CDYL2: variants seen among roughly 807,000 people sequenced by gnomAD.
CDYL2 encodes chromodomain Y-like protein 2.
Under a neutral mutation model 49.4 loss-of-function variants are expected in CDYL2, and 23 were observed. The observed-to-expected ratio is 0.47, with a 90% CI of 0.34 to 0.66. The LOEUF (loss-of-function observed/expected upper bound fraction) is 0.66, where lower values mean the gene tolerates loss of function less well. CDYL2 is among the 30% of genes least tolerant of loss of function. CDYL2 has a pLI of 0.01. For synonymous variants in CDYL2, 360 were observed against 268.8 expected (o/e 1.34, Z -3.32); for missense variants, 678 against 656.4 (o/e 1.03, Z -0.36).
chr16:80,685,937 C>G (rs1446826049), intron 1 of CDYL2, among the ~76,000 whole-genome samples: 2 of 152,182 alleles, frequency 1.3e-5, no homozygotes, highest in African/African-American at 4.8e-5. Flanking sequence ...CACAGCTCCC[C>G]CAGCTGCAAC....
chr16:80,692,907 G>T (rs1910473666), intron 1 of CDYL2, among the ~76,000 whole-genome samples: 1 of 152,038 alleles, frequency 6.6e-6, no homozygotes, highest in South Asian at 2.1e-4. Context: ...TCTCATAACA[G>T]ACAAAACCTG....
intron 2 of CDYL2, among the ~76,000 whole-genome samples, chr16:80,640,274 C>T (rs1291106864): frequency 3.3e-5 from 5 of 152,140 alleles, no homozygotes; most frequent in Admixed American, 3.3e-4. Flanking sequence ...TTTTGGATAA[C>T]AGCTCAGTCA....
At chr16:80,777,441 G>GA (rs72172247) in intron 1 of CDYL2, among the ~76,000 whole-genome samples, 7 of 149,052 alleles carry the variant, frequency 4.7e-5, no homozygotes, top group South Asian at 2.1e-4. Flanking sequence ...TGATTTTACA[G>GA]AAAAAAAAAT....
chr16:80,611,061 C>T (rs1906573180), intron 5 of CDYL2, among the ~76,000 whole-genome samples: 1 of 152,196 alleles, frequency 6.6e-6, no homozygotes, highest in African/African-American at 2.4e-5. Context: ...GCCAGGCCCA[C>T]TCCCTACCCT....
intron 1 of CDYL2, among the ~76,000 whole-genome samples, chr16:80,745,344 G>A (rs539927837): frequency 6.6e-6 from 1 of 152,260 alleles, no homozygotes; most frequent in South Asian, 2.1e-4. Flanking sequence ...CAGTGACCAT[G>A]CAAACAGGAG....
intron 1 of CDYL2, among the ~76,000 whole-genome samples, chr16:80,744,099 T>C (rs1259260014): frequency 1.3e-5 from 2 of 152,090 alleles, no homozygotes; most frequent in Non-Finnish European, 2.9e-5. Flanking sequence ...GTTTGGAAAA[T>C]AAAGAAACTG....
At chr16:80,688,965 T>C (rs547107772) in intron 1 of CDYL2, among the ~76,000 whole-genome samples, 1 of 152,318 alleles carries the variant, frequency 6.6e-6, no homozygotes, top group South Asian at 2.1e-4. Context: ...GCTCTGTCTC[T>C]TGATGCTCTG....
rs529995217 is a variant in CDYL2 at position 80,754,223 on chromosome 16, C to G, written c.24+49927G>C. Among the ~76,000 whole-genome samples the G allele has an allele frequency of 1.1e-4, 17 of 152,270 alleles. 1 individual carries two copies. The South Asian group carries it at 3.5e-3, about 32-fold the overall frequency. ...AGACAAACTAATCAATCCTTGCCAA[C>G]CAGTGACACATCAGCAAAGGAGGTG... On this transcript the variant is annotated intron_variant, in intron 1 of 6. Coordinates refer to ENST00000570137, the MANE Select transcript of CDYL2 (RefSeq NM_152342.4).
intron 1 of CDYL2, among the ~76,000 whole-genome samples, chr16:80,751,568 G>A (rs2142563803): frequency 6.6e-6 from 1 of 152,318 alleles, no homozygotes; most frequent in South Asian, 2.1e-4. Context: ...GGAAAAGCTA[G>A]GACAGAAGAG....
chr16:80,678,915 T>C (rs531262298), intron 2 of CDYL2, among the ~76,000 whole-genome samples: 300 of 147,328 alleles, frequency 2.0e-3, no homozygotes, highest in African/African-American at 4.1e-3. Flanking sequence ...ATATACACCA[T>C]GGAATACTAT....
At chr16:80,620,297 C>T (rs1238517582) in intron 4 of CDYL2, among the ~76,000 whole-genome samples, 1 of 152,212 alleles carries the variant, frequency 6.6e-6, no homozygotes, top group South Asian at 2.1e-4. Flanking sequence ...GGTCTGCAAA[C>T]ACACAGCTGC....
intron 2 of CDYL2, among the ~76,000 whole-genome samples, chr16:80,636,973 T>C (rs192703851): frequency 6.6e-5 from 10 of 152,290 alleles, no homozygotes; most frequent in Middle Eastern, 3.4e-3. Flanking sequence ...AAGCACCGCA[T>C]ATTCTCACTC....
chr16:80,728,241 G>C (rs1041075060), intron 1 of CDYL2, among the ~76,000 whole-genome samples: 2 of 152,018 alleles, frequency 1.3e-5, no homozygotes, highest in East Asian at 1.9e-4. Context: ...CCAATACAGA[G>C]AAGTGCTTAA....
chr16:80,664,700 A>T (rs554918166), intron 2 of CDYL2, among the ~76,000 whole-genome samples: 21 of 152,302 alleles, frequency 1.4e-4, no homozygotes, highest in Admixed American at 2.6e-4. Context: ...CAAGAAGCAG[A>T]AAAGGAGAAT....
At chr16:80,606,636 T>G (rs150085695) in intron 6 of CDYL2, among the ~76,000 whole-genome samples, 2 of 152,314 alleles carry the variant, frequency 1.3e-5, no homozygotes, top group East Asian at 3.9e-4. Context: ...CCACCCCTGT[T>G]TGCCCACAAC....
At position 80,601,959 on chromosome 16, in the gene CDYL2, G is replaced by C. The variant is rs1906106352; in HGVS notation, c.*2429C>G. 1 of 152,186 alleles carries C rather than the reference G, an allele frequency of 6.6e-6. No homozygotes were observed. Among genetic ancestry groups the C allele is most frequent in the Non-Finnish European group, 1.5e-5 (1 of 68,030 alleles). 9.4% of individuals were successfully genotyped at this position (152,186 alleles called of 1,614,324 possible). A position where few individuals can be genotyped will look rare whatever the true frequency, so the allele number is the denominator to read the frequency against. ...TAGTTCTTTCAAGCAGGGAATGAAG[G>C]TGGACACTGATCTAAAGGAATTTCT... On this transcript the variant is annotated 3_prime_UTR_variant, in exon 7 of 7. Transcript: ENST00000570137.
chr16:80,730,835 TAAAG>T (rs950227367), intron 1 of CDYL2, among the ~76,000 whole-genome samples: 2 of 152,172 alleles, frequency 1.3e-5, no homozygotes, highest in Admixed American at 1.3e-4. Context: ...TAATTATACT[TAAAG>T]AAGCCAGACA....
At chr16:80,628,362 C>G (rs1434387463) in intron 3 of CDYL2, 1 of 152,254 alleles carries the variant, frequency 6.6e-6, no homozygotes, top group Non-Finnish European at 1.5e-5. Context: ...GGATCATCCT[C>G]TCTTGCTCTT....
intron 1 of CDYL2, among the ~76,000 whole-genome samples, chr16:80,765,146 C>G (rs1023915202): frequency 1.5e-5 from 2 of 131,162 alleles, no homozygotes; most frequent in Non-Finnish European, 3.2e-5. Context: ...ATATATAGTA[C>G]TATATGTTAT....
Sources: allele counts gnomAD v4.1 joint callset (sites outside exome capture counted in the v4.1 genomes callset), GRCh38; gene constraint gnomAD v4.1.1; transcripts MANE v1.5; gene names NCBI Gene and HGNC (gene_info 2026-07-23, HGNC 2026-07-21).